CCDC178: variants seen among roughly 807,000 people sequenced by gnomAD.
The protein encoded by CCDC178 is coiled-coil domain-containing protein 178.
A neutral mutation model predicts 117.4 loss-of-function variants in CCDC178; 126 were observed. That is an observed-to-expected ratio of 1.07 (90% CI 0.93 to 1.24). CCDC178 has a LOEUF of 1.24. CCDC178 is among the 50% of genes most tolerant of loss of function. CCDC178 has a pLI of 0.00. For missense variants in CCDC178, 1,030 were observed against 986.9 expected, an observed-to-expected ratio of 1.04 and a Z score of -0.59; for synonymous variants, 283 against 313.4, an observed-to-expected ratio of 0.90 and a Z score of 1.02.
At chr18:33,411,550 A>ATAGAG (rs5823895) in intron 3 of CCDC178, among the ~76,000 whole-genome samples, 116,412 of 151,690 alleles carry the variant, frequency 0.77, 45,466 homozygotes, top group East Asian at 0.99. Context: ...ATGCAAAAAA[A>ATAGAG]TAAAGTAATG....
At chr18:33,423,694 G>A (rs1041421374) in intron 2 of CCDC178, among the ~76,000 whole-genome samples, 1 of 151,974 alleles carries the variant, frequency 6.6e-6, no homozygotes. Context: ...TTTGCATTAC[G>A]AAGATCTTCT....
At chr18:33,230,611 A>T (rs1312670483) in intron 15 of CCDC178, among the ~76,000 whole-genome samples, 1 of 152,204 alleles carries the variant, frequency 6.6e-6, no homozygotes, top group East Asian at 1.9e-4. Flanking sequence ...AATTAAAAAG[A>T]TGTTATTTTT....
chr18:33,044,703 C>A (rs1287294075), intron 21 of CCDC178, among the ~76,000 whole-genome samples: 1 of 152,070 alleles, frequency 6.6e-6, no homozygotes, highest in Non-Finnish European at 1.5e-5. Context: ...AAAAAGATAC[C>A]TGCACTGGTA....
chr18:33,245,699 T>C (rs1283223682), intron 14 of CCDC178, among the ~76,000 whole-genome samples: 1 of 151,880 alleles, frequency 6.6e-6, no homozygotes, highest in Middle Eastern at 3.2e-3. Context: ...GCTTGGCTTT[T>C]TGAACATTCA....
intron 17 of CCDC178, among the ~76,000 whole-genome samples, chr18:33,224,156 C>T (rs1373311916): frequency 6.6e-6 from 1 of 151,974 alleles, no homozygotes; most frequent in Admixed American, 6.6e-5. Flanking sequence ...GTTCTGGTGC[C>T]GAAATGTCTC....
intron 21 of CCDC178, among the ~76,000 whole-genome samples, chr18:33,000,229 A>G (rs2055603004): frequency 6.6e-6 from 1 of 152,022 alleles, no homozygotes; most frequent in African/African-American, 2.4e-5. Context: ...GTCTCTTAGC[A>G]GAAGGATCAA....
chr18:33,092,866 T>C lies in CCDC178; in HGVS notation c.2283A>G (p.Gln761=). 6.3e-7 allele frequency: 1 copy of C among 1,578,914 alleles called. No homozygotes were observed. The change falls in exon 21 of 23, where the codon CAA becomes CAG. Residue 761 remains glutamine, a synonymous_variant. Coordinates refer to ENST00000383096, the MANE Select transcript of CCDC178 (RefSeq NM_001105528.4). ...DSLEENLRLA[Q]EYQQLQITFL... ...ATGTAATCTGTAGCTGTTGATACTCTTGAGCTAAACGCAGATTTTCTTCAA... is the reference window on the plus strand; with the variant it reads ...ATGTAATCTGTAGCTGTTGATACTCCTGAGCTAAACGCAGATTTTCTTCAA...
In CCDC178 at chr18:33,212,075, T is replaced by C; in HGVS notation, c.2079-20A>G. ...TTGTTCCTGTGAAGAAAGAATTCCATGTGCCACTAATCAATTCACATTTTA... is the reference window on the plus strand; with the variant it reads ...TTGTTCCTGTGAAGAAAGAATTCCACGTGCCACTAATCAATTCACATTTTA... On this transcript the variant is annotated intron_variant, in intron 19 of 22. Transcript: ENST00000383096. 2 of 1,536,328 alleles carry C rather than the reference T, an allele frequency of 1.3e-6. No homozygotes were observed. Among genetic ancestry groups the C allele is most frequent in the Non-Finnish European group, 1.8e-6 (2 of 1,138,920 alleles).
chr18:33,220,168 A>G (rs2059213922), intron 18 of CCDC178, among the ~76,000 whole-genome samples: 1 of 152,072 alleles, frequency 6.6e-6, no homozygotes, highest in Admixed American at 6.6e-5. Context: ...CAGAAACACA[A>G]TACTCTCTGG....
intron 12 of CCDC178, among the ~76,000 whole-genome samples, chr18:33,271,493 T>C (rs2059889332): frequency 6.6e-6 from 1 of 151,430 alleles, no homozygotes; most frequent in Non-Finnish European, 1.5e-5. Context: ...TCAGACAAAA[T>C]AGACTTTAGA....
chr18:33,029,246 T>C (rs181123731), intron 21 of CCDC178, among the ~76,000 whole-genome samples: 4 of 152,092 alleles, frequency 2.6e-5, no homozygotes, highest in Admixed American at 2.0e-4. Context: ...TTTGATAGAT[T>C]GTGTCTTTCT....
At position 33,308,989 on chromosome 18, in the gene CCDC178, C is replaced by T. The variant is rs187839964; in HGVS notation, c.1022+14502G>A. 1.4e-3 allele frequency among the ~76,000 whole-genome samples: 219 copies of T among 152,176 alleles called. 3 individuals are homozygous for T. Among genetic ancestry groups the T allele is most frequent in the Admixed American group, 0.013 (203 of 15,292 alleles). On this transcript the variant is annotated intron_variant, in intron 11 of 22. Coordinates refer to ENST00000383096, the MANE Select transcript of CCDC178 (RefSeq NM_001105528.4). ...CATGAGAATGGATTAATACAGTAAG[C>T]TTTGATAAATAAAAATGGTTTTTAA...
chr18:33,323,540 C>G lies in CCDC178; in HGVS notation c.973G>C (p.Glu325Gln), dbSNP rs774408850. The G allele has an allele frequency of 6.4e-7, 1 of 1,572,386 alleles. No homozygotes were observed. Among genetic ancestry groups the G allele is most frequent in the South Asian group, 1.2e-5 (1 of 83,430 alleles). Residue 325 changes from glutamate (E) to glutamine (Q), a missense_variant, in exon 11 of 23, where the codon GAG (glutamate) becomes CAG (glutamine). Coordinates refer to ENST00000383096, the MANE Select transcript of CCDC178 (RefSeq NM_001105528.4). ...ARLKAQQIKE[E>Q]IDKDIYQDEK... ...TCCTGGTAAATATCCTTATCAATCT[C>G]TTCTTTAATTTGCTGAGCCTTCAAT...
In CCDC178 at chr18:33,351,765, C is replaced by T. The variant is rs578086438; in HGVS notation, c.372-2790G>A. ...ATGGGTTTTGATTATGTTGCCTAGGCTTGTCTCAAACTTCTGGGCTCAAGT... is the reference window on the plus strand; with the variant it reads ...ATGGGTTTTGATTATGTTGCCTAGGTTTGTCTCAAACTTCTGGGCTCAAGT... On this transcript the variant is annotated intron_variant, in intron 7 of 22. Transcript: ENST00000383096. Among the ~76,000 whole-genome samples, 3 of 151,986 alleles carry T rather than the reference C, an allele frequency of 2.0e-5. No individual in the cohort carries two copies. The East Asian group carries it at 5.8e-4, about 30-fold the overall frequency.
chr18:33,178,939 T>C (rs1185273184), intron 20 of CCDC178, among the ~76,000 whole-genome samples: 1 of 150,026 alleles, frequency 6.7e-6, no homozygotes, highest in Non-Finnish European at 1.5e-5. Flanking sequence ...GTAAGCTCAA[T>C]GCAGTCGGCA....
chr18:33,030,381 T>A (rs1404688454), intron 21 of CCDC178, among the ~76,000 whole-genome samples: 3 of 152,018 alleles, frequency 2.0e-5, no homozygotes, highest in Non-Finnish European at 2.9e-5. Context: ...CGTAGGAGTA[T>A]GTAGTTGAAT....
chr18:33,052,237 T>G (rs1389064213), intron 21 of CCDC178, among the ~76,000 whole-genome samples: 1 of 152,204 alleles, frequency 6.6e-6, no homozygotes, highest in Non-Finnish European at 1.5e-5. Context: ...ATAAAATTAG[T>G]AAACAAAGTT....
At position 33,339,360 on chromosome 18, in the gene CCDC178, A is replaced by C. The variant is rs536774372; in HGVS notation, c.659-5966T>G. Among the ~76,000 whole-genome samples the C allele has an allele frequency of 5.9e-5, 9 of 152,008 alleles. No individual in the cohort carries two copies. The South Asian group carries it at 1.7e-3, about 28-fold the overall frequency. ...AATCTTTTGCTTGAATGACCACGAA[A>C]TAAAGACACAAGGCACAAATTACCA... On this transcript the variant is annotated intron_variant, in intron 9 of 22. Transcript: ENST00000383096.
intron 21 of CCDC178, among the ~76,000 whole-genome samples, chr18:33,086,875 G>A (rs773635419): frequency 3.3e-5 from 5 of 151,366 alleles, no homozygotes; most frequent in Admixed American, 6.6e-5. Context: ...CTTATTCTTG[G>A]CTTCTGCCTT....
Sources: gnomAD v4.1 joint callset for allele counts (sites outside exome capture counted in the v4.1 genomes callset) on GRCh38, gnomAD v4.1.1 for gene constraint, MANE v1.5 for transcripts, NCBI Gene and HGNC (gene_info 2026-07-23, HGNC 2026-07-21) for gene names.